Variants in ACTR3C observed in about 807,000 individuals in gnomAD.
The protein encoded by ACTR3C is actin related protein 3C, also known as actin-related protein 3C.
ACTR3C carries 18 observed loss-of-function variants against 26.3 expected under a neutral mutation model. That is an observed-to-expected ratio of 0.68 (90% CI 0.47 to 1.01). The LOEUF (loss-of-function observed/expected upper bound fraction) is 1.01. Among genes scored for constraint, ACTR3C ranks in the 50% least tolerant of loss-of-function variants. ACTR3C has a pLI of 0.00. For missense variants in ACTR3C, 184 were observed against 250.7 expected (o/e 0.73, Z 1.80); for synonymous variants, 55 against 94.5 (o/e 0.58, Z 2.42).
At chr7:149,896,336 T>C in the ACTR3C span, among the ~76,000 whole-genome samples, 21 of 152,314 alleles carry the variant, frequency 1.4e-4, no homozygotes, top group African/African-American at 5.1e-4. Flanking sequence ...ACTAGTTAGC[T>C]GACTTGAGGA....
chr7:150,061,561 ATAACCATACGTTTCAC>A, the ACTR3C span, among the ~76,000 whole-genome samples: 1 of 45,702 alleles, frequency 2.2e-5, no homozygotes, highest in African/African-American at 7.2e-5. Context: ...GGGTAGCTTT[ATAACCATACGTTTCAC>A]ATGCATTGTC....
chr7:150,241,496 A>G (rs1832174029), downstream of ACTR3C, among the ~76,000 whole-genome samples: 1 of 152,262 alleles, frequency 6.6e-6, no homozygotes, highest in African/African-American at 2.4e-5. Flanking sequence ...AAAATAGATC[A>G]TATACAAAAT....
the ACTR3C span, among the ~76,000 whole-genome samples, chr7:150,159,343 T>G: frequency 6.6e-6 from 1 of 152,168 alleles, no homozygotes; most frequent in Admixed American, 6.5e-5. Flanking sequence ...TGTTTTCTCT[T>G]GCACTTCATC....
the ACTR3C span, among the ~76,000 whole-genome samples, chr7:150,209,368 C>T: frequency 6.7e-6 from 1 of 150,118 alleles, no homozygotes; most frequent in East Asian, 1.9e-4. Flanking sequence ...GAAATAGTGC[C>T]CCCAGATTTC....
the ACTR3C span, among the ~76,000 whole-genome samples, chr7:149,922,970 C>CTTTTTTTT: frequency 8.8e-4 from 61 of 69,148 alleles, 5 homozygotes; most frequent in African/African-American, 1.6e-3. Context: ...AAATAAAAGG[C>CTTTTTTTT]TTTTTTTTTT....
chr7:150,176,490 T>C, the ACTR3C span, among the ~76,000 whole-genome samples: 2 of 151,040 alleles, frequency 1.3e-5, no homozygotes, highest in South Asian at 2.1e-4. Context: ...GTCACTCTTC[T>C]GTCTTTTACA....
downstream of ACTR3C, chr7:150,244,342 C>T (rs1832355103): frequency 6.7e-6 from 1 of 148,824 alleles, no homozygotes; most frequent in African/African-American, 2.5e-5. Context: ...ATTCAATATT[C>T]AATATAGTCT....
chr7:149,884,607 G>T, the ACTR3C span, among the ~76,000 whole-genome samples: 2 of 151,308 alleles, frequency 1.3e-5, no homozygotes, highest in Non-Finnish European at 2.9e-5. Flanking sequence ...AAAAAAAAAA[G>T]GAATCACTTA....
At chr7:149,895,866 T>G in the ACTR3C span, among the ~76,000 whole-genome samples, 1 of 151,774 alleles carries the variant, frequency 6.6e-6, no homozygotes, top group African/African-American at 2.4e-5. Context: ...TTAAAAAAAT[T>G]TTTAAAATCC....
At chr7:150,145,208 G>T in the ACTR3C span, among the ~76,000 whole-genome samples, 6 of 152,172 alleles carry the variant, frequency 3.9e-5, no homozygotes, top group African/African-American at 1.4e-4. Flanking sequence ...ATGAGGAAAT[G>T]GCAAACCTGT....
At chr7:149,966,202 C>G in the ACTR3C span, among the ~76,000 whole-genome samples, 4 of 152,148 alleles carry the variant, frequency 2.6e-5, no homozygotes, top group Admixed American at 2.6e-4. Flanking sequence ...CCTGCAGGCT[C>G]TTGGGACAGG....
At chr7:150,305,529 T>C (rs1795746749) in intron 1 of ACTR3C, among the ~76,000 whole-genome samples, 1 of 152,284 alleles carries the variant, frequency 6.6e-6, no homozygotes, top group South Asian at 2.1e-4. Flanking sequence ...CCAAGTCAGG[T>C]CCTCAGAGTC....
the ACTR3C span, among the ~76,000 whole-genome samples, chr7:149,985,036 G>A: frequency 6.6e-6 from 1 of 152,022 alleles, no homozygotes; most frequent in East Asian, 1.9e-4. Context: ...ACCTGCCTAC[G>A]CACCAACACA....
At chr7:150,141,772 G>T in the ACTR3C span, among the ~76,000 whole-genome samples, 2 of 152,002 alleles carry the variant, frequency 1.3e-5, no homozygotes, top group Non-Finnish European at 2.9e-5. Context: ...ACAAGCAGGG[G>T]GTGTGGGAAG....
the ACTR3C span, among the ~76,000 whole-genome samples, chr7:150,043,135 C>T: frequency 4.0e-5 from 6 of 151,172 alleles, no homozygotes; most frequent in Non-Finnish European, 7.4e-5. Context: ...TTTCTGTTCC[C>T]GAGCTGCGTT....
the ACTR3C span, among the ~76,000 whole-genome samples, chr7:150,114,083 T>C: frequency 1.7e-4 from 26 of 152,234 alleles, no homozygotes; most frequent in African/African-American, 6.0e-4. Flanking sequence ...ATTTTACATG[T>C]AATTTTTAGT....
chr7:150,125,562 TAA>T, the ACTR3C span, among the ~76,000 whole-genome samples: 2 of 151,768 alleles, frequency 1.3e-5, no homozygotes, highest in Admixed American at 6.6e-5. Flanking sequence ...ATAAGTGAAA[TAA>T]TTTTTTTTTT....
chr7:150,321,917 G>T (rs1277915121), intron 1 of ACTR3C, among the ~76,000 whole-genome samples: 1 of 152,158 alleles, frequency 6.6e-6, no homozygotes, highest in Non-Finnish European at 1.5e-5. Flanking sequence ...GTTGCCCCTG[G>T]GAAGACTAGG....
the ACTR3C span, among the ~76,000 whole-genome samples, chr7:149,966,030 C>G: frequency 6.6e-6 from 1 of 152,324 alleles, no homozygotes; most frequent in South Asian, 2.1e-4. Context: ...ACTTATTTCT[C>G]TATGAGCAAT....
Sources: allele counts gnomAD v4.1 joint callset (sites outside exome capture counted in the v4.1 genomes callset), GRCh38; gene constraint gnomAD v4.1.1; transcripts MANE v1.5; gene names NCBI Gene and HGNC (gene_info 2026-07-23, HGNC 2026-07-21).